LRIG1: variants seen among roughly 807,000 people sequenced by gnomAD.
LRIG1 encodes leucine-rich repeats and immunoglobulin-like domains protein 1.
Under a neutral mutation model 99.2 loss-of-function variants are expected in LRIG1, and 48 were observed. The observed-to-expected ratio is 0.48, with a 90% CI of 0.38 to 0.62. LRIG1 has a LOEUF of 0.62. Among genes scored for constraint, LRIG1 ranks in the 20% least tolerant of loss-of-function variants. The pLI is 0.00. For missense variants in LRIG1, 1,646 were observed against 1,434.4 expected (o/e 1.15, Z -2.38); for synonymous variants, 772 against 596.1 (o/e 1.29, Z -4.30).
Position 66,386,299 on chromosome 3 carries a change from C to A in LRIG1, c.1471G>T (p.Asp491Tyr). 1.2e-6 allele frequency: 2 copies of A among 1,613,238 alleles called. No individual in the cohort carries two copies. Among genetic ancestry groups the A allele is most frequent in the South Asian group, 2.2e-5 (2 of 90,968 alleles). The change falls in exon 13 of 19, where the codon GAC becomes TAC. Residue 491 changes from aspartate (D) to tyrosine (Y), a missense_variant and splice_region_variant. By Grantham distance (160) the Asp-to-Tyr change is radical. Coordinates refer to ENST00000273261, the MANE Select transcript of LRIG1 (RefSeq NM_015541.3). ...SVPPESFVCD[D>Y]FLKPQIITQP... is the part of the protein sequence containing the mutation. ...GTGATGATCTGTGGCTTCAGGAAGT[C>A]ATCTGGGGAGAGAAGGGTCAACTGT...
chr3:66,487,532 C>A (rs1271164718), intron 1 of LRIG1, among the ~76,000 whole-genome samples: 1 of 152,072 alleles, frequency 6.6e-6, no homozygotes, highest in East Asian at 1.9e-4. Flanking sequence ...CAAGGGACTC[C>A]TAGGTACATG....
chr3:66,441,954 G>A (rs897504560), intron 3 of LRIG1, among the ~76,000 whole-genome samples: 1 of 152,168 alleles, frequency 6.6e-6, no homozygotes, highest in Non-Finnish European at 1.5e-5. Context: ...GGACTGCAGA[G>A]GTGACACAGT....
At chr3:66,391,698 G>T (rs1701625592) in intron 12 of LRIG1, among the ~76,000 whole-genome samples, 1 of 151,998 alleles carries the variant, frequency 6.6e-6, no homozygotes, top group Admixed American at 6.6e-5. Flanking sequence ...AATAGTGATG[G>T]TTACACAGTT....
chr3:66,440,012 A>G (rs1358592660), intron 3 of LRIG1, among the ~76,000 whole-genome samples: 1 of 147,498 alleles, frequency 6.8e-6, no homozygotes, highest in Non-Finnish European at 1.5e-5. Flanking sequence ...CCTGGTGAGA[A>G]AGAAAGAGGG....
chr3:66,440,973 G>GT (rs1330589992), intron 3 of LRIG1, among the ~76,000 whole-genome samples: 2 of 152,114 alleles, frequency 1.3e-5, no homozygotes, highest in Non-Finnish European at 2.9e-5. Flanking sequence ...CTGAATCAGC[G>GT]TAAGGTGAAG....
In LRIG1 at chr3:66,475,587, G is replaced by A. The variant is rs75804535; in HGVS notation, c.219-13078C>T. On this transcript the variant is annotated intron_variant, in intron 1 of 18. Coordinates refer to ENST00000273261, the MANE Select transcript of LRIG1 (RefSeq NM_015541.3). The stretch of plus-strand genomic sequence containing the variant: ...CTAGTCCGCATGGCTACACAAACAT[G>A]ACTCTGCGAAACTGTGCTGACAACT... 5.1e-3 allele frequency among the ~76,000 whole-genome samples: 778 copies of A among 152,314 alleles called. 5 individuals carry two copies. The highest frequency in any genetic ancestry group is 0.018 in the African/African-American group (750 of 41,556).
intron 2 of LRIG1, among the ~76,000 whole-genome samples, chr3:66,454,261 T>C (rs774845219): frequency 1.3e-5 from 2 of 152,130 alleles, no homozygotes; most frequent in Non-Finnish European, 1.5e-5. Flanking sequence ...CTGTCCCCTG[T>C]TGAAACAAGA....
chr3:66,392,505 C>T (rs1701660871), intron 12 of LRIG1, among the ~76,000 whole-genome samples: 2 of 151,916 alleles, frequency 1.3e-5, no homozygotes, highest in Admixed American at 6.6e-5. Flanking sequence ...CTTATGTTTC[C>T]GTTTTTAAAA....
At chr3:66,469,907 CAAAAAAAA>C (rs55768550) in intron 1 of LRIG1, among the ~76,000 whole-genome samples, 4 of 115,808 alleles carry the variant, frequency 3.5e-5, no homozygotes, top group African/African-American at 3.5e-5. Context: ...CTGTCCCTAC[CAAAAAAAA>C]AAAAAAAAAA....
At chr3:66,460,665 T>C (rs1352750009) in intron 2 of LRIG1, among the ~76,000 whole-genome samples, 7 of 152,242 alleles carry the variant, frequency 4.6e-5, no homozygotes, top group Admixed American at 6.5e-5. Context: ...TTCCAGACTG[T>C]GAGAAGATGA....
At chr3:66,461,608 G>T (rs1027753701) in intron 2 of LRIG1, among the ~76,000 whole-genome samples, 1 of 152,116 alleles carries the variant, frequency 6.6e-6, no homozygotes, top group East Asian at 1.9e-4. Context: ...TTCACTAGGT[G>T]TTCACAATGG....
chr3:66,484,129 G>C (rs1700913469), intron 1 of LRIG1, among the ~76,000 whole-genome samples: 1 of 152,206 alleles, frequency 6.6e-6, no homozygotes, highest in Non-Finnish European at 1.5e-5. Flanking sequence ...GTGGAGGGTG[G>C]TGAGGGGTAT....
chr3:66,445,539 C>A (rs1221966690), intron 3 of LRIG1, among the ~76,000 whole-genome samples: 1 of 152,190 alleles, frequency 6.6e-6, no homozygotes. Context: ...CTCGACTGTA[C>A]ACACACCTAT....
chr3:66,440,048 G>C (rs1703489963), intron 3 of LRIG1, among the ~76,000 whole-genome samples: 1 of 152,134 alleles, frequency 6.6e-6, no homozygotes, highest in African/African-American at 2.4e-5. Context: ...GAGGGAGGTG[G>C]GGGAGCCTGG....
intron 3 of LRIG1, among the ~76,000 whole-genome samples, chr3:66,424,974 G>A (rs1702931891): frequency 6.6e-6 from 1 of 152,224 alleles, no homozygotes; most frequent in South Asian, 2.1e-4. Context: ...TATTCAGGAG[G>A]TTAGAGGTAT....
chr3:66,383,344 A>G lies in LRIG1; in HGVS notation c.2129T>C (p.Val710Ala), dbSNP rs1291646005. ...EDRVVSVGET[V>A]ALQCKATGNP... ...CCCCGTGGCTTTGCATTGGAGGGCC[A>G]CTGTTTCTCCCACAGATACCACACG... The change falls in exon 15 of 19, where the codon GTG becomes GCG. Residue 710 changes from valine (V) to alanine (A), a missense_variant. By Grantham distance (64) the Val-to-Ala change is moderately conservative. Transcript: ENST00000273261. 1 of 1,593,676 alleles carries G rather than the reference A, an allele frequency of 6.3e-7. No individual in the cohort carries two copies. The highest frequency in any genetic ancestry group is 8.6e-7 in the Non-Finnish European group (1 of 1,165,572).
chr3:66,441,392 A>G (rs765776146), intron 3 of LRIG1, among the ~76,000 whole-genome samples: 11 of 152,174 alleles, frequency 7.2e-5, no homozygotes, highest in South Asian at 2.1e-4. Flanking sequence ...CTCTGCCGAG[A>G]CCTGACGACA....
intron 3 of LRIG1, 22 bp downstream of exon 3, chr3:66,451,537 T>TC (rs938081279): frequency 1.2e-6 from 2 of 1,610,012 alleles, no homozygotes; most frequent in African/African-American, 2.7e-5. Context: ...CAGCCCAGAG[T>TC]CCCCCAAACG....
intron 1 of LRIG1, among the ~76,000 whole-genome samples, chr3:66,488,888 C>T (rs1701036041): frequency 6.6e-6 from 1 of 152,176 alleles, no homozygotes; most frequent in Non-Finnish European, 1.5e-5. Context: ...TGAAGGACTG[C>T]CTGAGAAAGA....
Sources: gnomAD v4.1 joint callset for allele counts (sites outside exome capture counted in the v4.1 genomes callset) on GRCh38, gnomAD v4.1.1 for gene constraint, MANE v1.5 for transcripts, NCBI Gene and HGNC (gene_info 2026-07-23, HGNC 2026-07-21) for gene names.